PP2D1: variants seen among roughly 807,000 people sequenced by gnomAD.
PP2D1 encodes the protein protein phosphatase 2C-like domain-containing protein 1.
In PP2D1, 25 loss-of-function variants were observed where a neutral mutation model predicts 30.2. That is an observed-to-expected ratio of 0.83 (90% CI 0.60 to 1.16). The LOEUF (loss-of-function observed/expected upper bound fraction) is 1.16, where lower values mean the gene tolerates loss of function less well. PP2D1 is among the 50% of genes most tolerant of loss of function. The pLI is 0.00. For missense variants in PP2D1, 760 were observed against 742.4 expected, an observed-to-expected ratio of 1.02 and a Z score of -0.28; for synonymous variants, 260 against 258.9, an observed-to-expected ratio of 1.00 and a Z score of -0.04.
At chr3:19,984,770 G>A (rs1559495019), downstream of PP2D1, 1 of 152,880 alleles carries the variant, frequency 6.5e-6, no homozygotes, top group Non-Finnish European at 1.5e-5. Flanking sequence ...TAATATTTAA[G>A]AGTTGCTTAA....
chr3:20,005,352 A>G (rs1480749136), intron 1 of PP2D1, among the ~76,000 whole-genome samples: 3 of 152,034 alleles, frequency 2.0e-5, no homozygotes, highest in Admixed American at 6.6e-5. Context: ...GTGTTTCTCC[A>G]TGTTGGTTAG....
rs1455409514 is a variant in PP2D1 at position 20,001,374 on chromosome 3, T to C, written c.746A>G (p.Asn249Ser). Residue 249 changes from asparagine (N) to serine (S), a missense_variant, in exon 2 of 3, where the codon AAT becomes AGT. Asn to Ser is a conservative substitution (Grantham distance 46). Transcript: ENST00000389050. ...QMTTDEQQII[N>S]SFYTVFREEY... ...TTCTCTAAACACAGTGTAAAAGGAA[T>C]TGATTATTTGTTGCTCATCAGTTGT... The C allele has an allele frequency of 2.0e-6, 3 of 1,536,520 alleles. No individual in the cohort carries two copies. Among genetic ancestry groups the C allele is most frequent in the East Asian group, 4.9e-5 (2 of 40,914 alleles).
rs541056479 is a variant in PP2D1, at chr3:19,985,794, C to A, written c.1479G>T (p.Gly493=). 1,168 of 1,535,992 alleles carry A rather than the reference C, an allele frequency of 7.6e-4. 4 individuals are homozygous for A. Among genetic ancestry groups the A allele is most frequent in the South Asian group, 2.2e-3 (183 of 84,052 alleles). The part of the protein sequence containing the change: ...PIIPNKSPSK[G]PLLFSTSEPN... Reference sequence around the variant, plus strand: ...GTTCACTGGTTGAAAAAAGCAGAGGCCCTTTGGATGGTGATTTGTTAGGTA... The same window carrying A: ...GTTCACTGGTTGAAAAAAGCAGAGGACCTTTGGATGGTGATTTGTTAGGTA... The change falls in exon 3 of 3, where the codon GGG becomes GGT. Residue 493 remains glycine (G), a synonymous_variant. Coordinates refer to ENST00000389050, the MANE Select transcript of PP2D1 (RefSeq NM_001252657.2).
intron 1 of PP2D1, among the ~76,000 whole-genome samples, chr3:20,003,400 A>G (rs1305748893): frequency 6.6e-6 from 1 of 151,546 alleles, no homozygotes; most frequent in African/African-American, 2.4e-5. Context: ...TTTTTTAAAA[A>G]AAAGGTTAAA....
chr3:20,004,427 T>G lies in PP2D1; in HGVS notation c.24-2331A>C, dbSNP rs1334409904. 2.0e-5 allele frequency among the ~76,000 whole-genome samples: 3 copies of G among 152,216 alleles called. No homozygotes were observed. In the East Asian group the frequency reaches 5.8e-4, roughly 29 times the overall value. Reference sequence around the variant, plus strand: ...TCGTTAAATGATGCATGATTGTAATTACTTTTGTACTGCATTTCGTCTGCC... The same window carrying G: ...TCGTTAAATGATGCATGATTGTAATGACTTTTGTACTGCATTTCGTCTGCC... On this transcript the variant is annotated intron_variant, in intron 1 of 2. Coordinates refer to ENST00000389050, the MANE Select transcript of PP2D1 (RefSeq NM_001252657.2).
intron 1 of PP2D1, among the ~76,000 whole-genome samples, chr3:20,003,689 T>A (rs1697283887): frequency 6.6e-6 from 1 of 151,912 alleles, no homozygotes; most frequent in Non-Finnish European, 1.5e-5. Context: ...AGGCGGAGGC[T>A]GCAGTGAGCA....
At position 20,001,882 on chromosome 3, in the gene PP2D1, G is replaced by T; in HGVS notation, c.238C>A (p.Leu80Ile). 6.5e-7 allele frequency: 1 copy of T among 1,536,184 alleles called. No homozygotes were observed. Among genetic ancestry groups the T allele is most frequent in the Non-Finnish European group, 8.7e-7 (1 of 1,146,908 alleles). ...AGAGCTACATGTTGCTTCTTATGGA[G>T]AAAAATACCAGTTAGGTCAATTTCG... ...KHEIDLTGIF[L>I]HKKQHVALAT... Residue 80 changes from leucine to isoleucine, a missense_variant, in exon 2 of 3, where the codon CTC becomes ATC. Transcript: ENST00000389050.
intron 1 of PP2D1, among the ~76,000 whole-genome samples, chr3:20,006,395 C>G (rs540698380): frequency 1.3e-5 from 2 of 152,194 alleles, no homozygotes; most frequent in African/African-American, 4.8e-5. Flanking sequence ...ATACATCGTC[C>G]CTAGGTATCT....
At chr3:20,011,964 A>G in intron 1 of PP2D1, 86 bp downstream of exon 1, 1 of 1,053,882 alleles carries the variant, frequency 9.5e-7, no homozygotes, top group South Asian at 1.5e-5. Context: ...TCATCTGATA[A>G]TTAAGAAAGT....
rs1328225756 is a variant in PP2D1, at chr3:20,001,332, T to C, written c.788A>G (p.Glu263Gly). The change falls in exon 2 of 3, where the codon GAA becomes GGA. Residue 263 changes from glutamate (E) to glycine (G), a missense_variant. Glu to Gly is a moderately conservative substitution (Grantham distance 98, BLOSUM62 -2). Coordinates refer to ENST00000389050, the MANE Select transcript of PP2D1 (RefSeq NM_001252657.2). ...TTTGTTTATGGCAGAAAAGAGGTCT[T>C]CTATTGCTGCGTATTCTTCTCTAAA... ...TVFREEYAAI[E>G]DLFSAINKTE... The C allele has an allele frequency of 6.5e-7, 1 of 1,535,228 alleles. No individual in the cohort carries two copies. The highest frequency in any genetic ancestry group is 8.7e-7 in the Non-Finnish European group (1 of 1,146,230).
Position 20,001,853 on chromosome 3 carries a change from G to T in PP2D1, c.267C>A (p.Ala89=). Residue 89 remains alanine, a synonymous_variant, in exon 2 of 3, where the codon GCC becomes GCA. Coordinates refer to ENST00000389050, the MANE Select transcript of PP2D1 (RefSeq NM_001252657.2). ...FLHKKQHVAL[A]TLGFQWMGRK... is the part of the protein sequence containing the mutation. The stretch of plus-strand genomic sequence containing the variant: ...TACCCATCCATTGGAAACCCAGCGT[G>T]GCCAGAGCTACATGTTGCTTCTTAT... 1 of 1,535,892 alleles carries T rather than the reference G, an allele frequency of 6.5e-7. No individual in the cohort carries two copies. Among genetic ancestry groups the T allele is most frequent in the Non-Finnish European group, 8.7e-7 (1 of 1,146,780 alleles).
chr3:19,985,737 G>A lies in PP2D1; in HGVS notation c.1536C>T (p.His512=), dbSNP rs775137146. The A allele has an allele frequency of 2.4e-5, 37 of 1,535,686 alleles. No homozygotes were observed. The highest frequency in any genetic ancestry group is 4.1e-5 in the African/African-American group (3 of 73,024). Residue 512 remains histidine, a synonymous_variant, in exon 3 of 3, where the codon CAC becomes CAT. Coordinates refer to ENST00000389050, the MANE Select transcript of PP2D1 (RefSeq NM_001252657.2). ...ATACAGATTTATACTGAAACAATACGTGGATATTACTCTGTGATTTAGTAA... is the reference window on the plus strand; with the variant it reads ...ATACAGATTTATACTGAAACAATACATGGATATTACTCTGTGATTTAGTAA... ...PNLTKSQSNI[H]VLFQYKSVSE...
chr3:19,996,714 A>T (rs970413405), intron 2 of PP2D1: 1 of 143,660 alleles, frequency 7.0e-6, no homozygotes, highest in Non-Finnish European at 1.5e-5. Context: ...ATCAAACAAC[A>T]TATTTTTTTT....
intron 2 of PP2D1, among the ~76,000 whole-genome samples, chr3:19,994,383 G>A (rs112304468): frequency 6.6e-6 from 1 of 152,310 alleles, no homozygotes; most frequent in Non-Finnish European, 1.5e-5. Context: ...AAGCATCAGA[G>A]CACTTTGGGA....
Position 20,001,185 on chromosome 3 carries a change from C to G in PP2D1, c.935G>C (p.Cys312Ser), listed in dbSNP as rs550331111. Residue 312 changes from cysteine to serine, a missense_variant, in exon 2 of 3, where the codon TGC becomes TCC. Around this residue, in one of 3 missense-constraint regions of PP2D1, gnomAD observed 374 missense variants for 388.8 expected, o/e 0.96. Coordinates refer to ENST00000389050, the MANE Select transcript of PP2D1 (RefSeq NM_001252657.2). The stretch of plus-strand genomic sequence containing the variant: ...TTCCAATATACAAGTAACTGCAGAG[C>G]AGCCACTCCATTGAACCCTGGACAC... ...KEVSRVQWSG[C>S]SAVTCILEGK... The G allele has an allele frequency of 6.0e-6, 9 of 1,511,460 alleles. No homozygotes were observed. In the Admixed American group the frequency reaches 2.0e-4, roughly 34 times the overall value. The allele number at this position is 1,511,460 out of a possible 1,614,324, so 93.6% of individuals were successfully genotyped here. A position where few individuals can be genotyped will look rare whatever the true frequency, so the allele number is the denominator to read the frequency against.
chr3:19,985,571 T>A lies in PP2D1; in HGVS notation c.1702A>T (p.Thr568Ser). The change falls in exon 3 of 3, where the codon ACT becomes TCT. Residue 568 changes from threonine (T) to serine (S), a missense_variant. Coordinates refer to ENST00000389050, the MANE Select transcript of PP2D1 (RefSeq NM_001252657.2). ...THRKPCSEKV[T>S]DRPTSVNDVA... ...TCATTTACACTAGTTGGTCTGTCAG[T>A]TACTTTTTCACTGCAAGGTTTACGA... 3 of 1,536,086 alleles carry A rather than the reference T, an allele frequency of 2.0e-6. No homozygotes were observed. Among genetic ancestry groups the A allele is most frequent in the Non-Finnish European group, 2.6e-6 (3 of 1,146,870 alleles).
At chr3:19,982,048 C>A (rs1696938904), downstream of PP2D1, among the ~76,000 whole-genome samples, 1 of 151,882 alleles carries the variant, frequency 6.6e-6, no homozygotes, top group African/African-American at 2.4e-5. Flanking sequence ...TCTAGACCAG[C>A]CTGGGCAACA....
At chr3:20,003,003 C>T (rs990559377) in intron 1 of PP2D1, among the ~76,000 whole-genome samples, 3 of 151,222 alleles carry the variant, frequency 2.0e-5, no homozygotes, top group Non-Finnish European at 4.4e-5. Context: ...TGCAGTGAGC[C>T]GAGATGGTGC....
intron 1 of PP2D1, among the ~76,000 whole-genome samples, chr3:20,003,427 AAAT>A (rs1051749148): frequency 3.0e-4 from 45 of 151,888 alleles, no homozygotes; most frequent in African/African-American, 1.1e-3. Context: ...TAAAATTTAA[AAAT>A]AATTTTAATT....
Sources: allele counts gnomAD v4.1 joint callset (sites outside exome capture counted in the v4.1 genomes callset), GRCh38; gene constraint gnomAD v4.1.1; regional missense constraint gnomAD v4.1.1; transcripts MANE v1.5; gene names NCBI Gene and HGNC (gene_info 2026-07-23, HGNC 2026-07-21).